SLC27A5: variants seen among roughly 807,000 people sequenced by gnomAD.
The protein encoded by SLC27A5 is solute carrier family 27 member 5, also known as long-chain fatty acid transport protein 5.
In SLC27A5, 47 loss-of-function variants were observed where a neutral mutation model predicts 63.1. The ratio of observed to expected loss-of-function variants is 0.74; its 90% CI spans 0.59 to 0.95. The LOEUF (loss-of-function observed/expected upper bound fraction) is 0.95, where lower values mean the gene tolerates loss of function less well. Among genes scored for constraint, SLC27A5 ranks in the 40% least tolerant of loss-of-function variants. The pLI, the probability that SLC27A5 is intolerant of heterozygous loss-of-function variation, is 0.00. For missense variants in SLC27A5, 940 were observed against 921.0 expected (o/e 1.02, Z -0.27); for synonymous variants, 391 against 403.8 (o/e 0.97, Z 0.38).
Position 58,498,641 on chromosome 19 carries a change from C to CA in SLC27A5, c.1946dup (p.Arg650AlafsTer2), listed in dbSNP as rs752480442. 1.2e-6 allele frequency: 2 copies of CA among 1,614,184 alleles called. No individual in the cohort carries two copies. The highest frequency in any genetic ancestry group is 1.7e-6 in the Non-Finnish European group (2 of 1,180,034). ...CGATCCCCACATTGAAGCCCTCACG[C>CA]ACCAACCGGGTCTTCATCAGTTTGA... On this transcript the variant is annotated frameshift_variant, in exon 10 of 10. Coordinates refer to ENST00000263093, the MANE Select transcript of SLC27A5 (RefSeq NM_012254.3). LOFTEE classifies it low-confidence loss of function (END_TRUNC).
At position 58,500,534 on chromosome 19, in the gene SLC27A5, C is replaced by T. The variant is rs766575091; in HGVS notation, c.1355G>A (p.Gly452Asp). 6.2e-7 allele frequency: 1 copy of T among 1,614,050 alleles called. No homozygotes were observed. The highest frequency in any genetic ancestry group is 1.7e-5 in the Admixed American group (1 of 60,004). The change falls in exon 5 of 10, where the codon GGC (glycine) becomes GAC (aspartate). Residue 452 changes from glycine to aspartate, a missense_variant. Physicochemically the swap from Gly to Asp is moderately conservative, Grantham distance 94. Coordinates refer to ENST00000263093, the MANE Select transcript of SLC27A5 (RefSeq NM_012254.3). ...VNYVGRCGALGKMSCLLRMLS... is the reference protein window; with the variant it reads ...VNYVGRCGALDKMSCLLRMLS... The stretch of plus-strand genomic sequence containing the variant: ...CACTCGGAGGAGGCAGCTCATCTTG[C>T]CCAGGGCCCCGCAGCGCCCCACATA...
chr19:58,501,310 C>T lies in SLC27A5; in HGVS notation c.1158G>A (p.Leu386=). The change falls in exon 4 of 10, where the codon CTG becomes CTA. Residue 386 remains leucine, a synonymous_variant. Coordinates refer to ENST00000263093, the MANE Select transcript of SLC27A5 (RefSeq NM_012254.3). ...VTVILYVGEL[L]RYLCNIPQQP... ...CCTGGGGAATGTTACACAAGTACCGCAGGAGCTCGCCCACATACAGGATCA... is the reference window on the plus strand; with the variant it reads ...CCTGGGGAATGTTACACAAGTACCGTAGGAGCTCGCCCACATACAGGATCA... 2 of 1,613,714 alleles carry T rather than the reference C, an allele frequency of 1.2e-6. No individual in the cohort carries two copies. Among genetic ancestry groups the T allele is most frequent in the Non-Finnish European group, 1.7e-6 (2 of 1,179,760 alleles).
chr19:58,506,051 T>G (rs1438964278), intron 3 of SLC27A5, among the ~76,000 whole-genome samples: 1 of 150,736 alleles, frequency 6.6e-6, no homozygotes, highest in African/African-American at 2.4e-5. Flanking sequence ...CTAGGGAGGC[T>G]GAGGCAGGAG....
chr19:58,500,440 G>C lies in SLC27A5; in HGVS notation c.1378-11C>G. 1 of 1,613,836 alleles carries C rather than the reference G, an allele frequency of 6.2e-7. No homozygotes were observed. The highest frequency in any genetic ancestry group is 8.5e-7 in the Non-Finnish European group (1 of 1,180,008). On this transcript the variant is annotated splice_polypyrimidine_tract_variant and intron_variant, in intron 5 of 9. Coordinates refer to ENST00000263093, the MANE Select transcript of SLC27A5 (RefSeq NM_012254.3). ...AAAGGGGGACAGCATCTGGGGTGGA[G>C]GGTGGAGTGTTGACATAGGTCCTGT...
chr19:58,510,076 A>G, intron 2 of SLC27A5, 71 bp from the exon 3 acceptor site: 1 of 1,491,386 alleles, frequency 6.7e-7, no homozygotes, highest in African/African-American at 1.4e-5. Flanking sequence ...CCAGAGGGAT[A>G]GATCTCCAAC....
At chr19:58,508,868 G>T (rs1444806807) in intron 3 of SLC27A5, 1 of 151,932 alleles carries the variant, frequency 6.6e-6, no homozygotes, top group African/African-American at 2.4e-5. Context: ...CACAAGGTCA[G>T]GAGTTTGAGA....
chr19:58,502,800 T>C (rs1041592910), intron 3 of SLC27A5, among the ~76,000 whole-genome samples: 3 of 150,510 alleles, frequency 2.0e-5, no homozygotes, highest in South Asian at 2.1e-4. Context: ...AGTGAGTAGA[T>C]GGATGGCTGG....
rs1019431881 is a variant in SLC27A5, at chr19:58,511,675, A to G, written c.281T>C (p.Leu94Ser). 28 of 1,586,214 alleles carry G rather than the reference A, an allele frequency of 1.8e-5. No homozygotes were observed. Among genetic ancestry groups the G allele is most frequent in the Non-Finnish European group, 2.1e-5 (25 of 1,166,406 alleles). Residue 94 changes from leucine (L) to serine (S), a missense_variant, in exon 1 of 10, where the codon TTG (leucine) becomes TCG (serine). Coordinates refer to ENST00000263093, the MANE Select transcript of SLC27A5 (RefSeq NM_012254.3). ...CAGGCCCAGGTGGAGGATCTTGGCC[A>G]AGAAGATCACATCAGCCGGCAGCCA... ...LRWLPADVIF[L>S]AKILHLGLKI... is the part of the protein sequence containing the mutation.
At chr19:58,500,807 G>A in intron 4 of SLC27A5, 101 bp from the exon 5 acceptor site, 4 of 1,517,318 alleles carry the variant, frequency 2.6e-6, no homozygotes, top group South Asian at 2.5e-5. Context: ...TACCTTGGGA[G>A]TTACCTGGAA....
rs768393339 is a variant in SLC27A5 at position 58,511,433 on chromosome 19, TA to T, written c.522del (p.Thr175LeufsTer44). On this transcript the variant is annotated frameshift_variant, in exon 1 of 10. Coordinates refer to ENST00000263093, the MANE Select transcript of SLC27A5 (RefSeq NM_012254.3). LOFTEE classifies it high-confidence loss of function. ...TGGGAAGCCAGCACAAGGAGGGCAG[TA>T]GGCTCCCCGGCACACAGGCTCGCAG... ...GDPASLCAGE[P>X]TALLVLASQA... is the part of the protein sequence containing the mutation. The T allele has an allele frequency of 2.5e-6, 4 of 1,604,368 alleles. No homozygotes were observed. The highest frequency in any genetic ancestry group is 2.6e-6 in the Non-Finnish European group (3 of 1,175,834).
chr19:58,510,337 G>A, intron 2 of SLC27A5: 1 of 345,670 alleles, frequency 2.9e-6, no homozygotes, highest in South Asian at 5.1e-5. Context: ...ATTTTGAGAG[G>A]CTGAGTTGGG....
At chr19:58,510,340 G>C in intron 2 of SLC27A5, 1 of 347,990 alleles carries the variant, frequency 2.9e-6, no homozygotes, top group South Asian at 5.0e-5. Flanking sequence ...TTGAGAGGCT[G>C]AGTTGGGCAG....
intron 3 of SLC27A5, among the ~76,000 whole-genome samples, chr19:58,505,893 C>T (rs1446578838): frequency 6.6e-6 from 1 of 151,642 alleles, no homozygotes; most frequent in Non-Finnish European, 1.5e-5. Flanking sequence ...TAGTTCACAC[C>T]TGTAATCCCA....
intron 6 of SLC27A5, 38 bp from the exon 7 acceptor site, chr19:58,499,728 C>G (rs2053252556): frequency 1.3e-6 from 2 of 1,594,814 alleles, no homozygotes; most frequent in Non-Finnish European, 1.7e-6. Context: ...CTGGAGCCCA[C>G]CAGCCAAGCC....
Position 58,499,599 on chromosome 19 carries a change from C to A in SLC27A5, c.1560G>T (p.Val520=). ...GPRELSERKL[V]RNVRQSGDVY... is the part of the protein sequence containing the mutation. ...CGTCGCCCGATTGCCGCACGTTGCG[C>A]ACCAGCTTCCGTTCCGACAGCTCTC... The change falls in exon 7 of 10, where the codon GTG becomes GTT. Residue 520 remains valine (V), a synonymous_variant. Coordinates refer to ENST00000263093, the MANE Select transcript of SLC27A5 (RefSeq NM_012254.3). 6.2e-7 allele frequency: 1 copy of A among 1,613,168 alleles called. No homozygotes were observed. The highest frequency in any genetic ancestry group is 8.5e-7 in the Non-Finnish European group (1 of 1,180,018).
At chr19:58,502,393 G>A (rs1408251030) in intron 3 of SLC27A5, among the ~76,000 whole-genome samples, 1 of 146,104 alleles carries the variant, frequency 6.8e-6, no homozygotes, top group African/African-American at 2.5e-5. Flanking sequence ...ATGGATGGGT[G>A]GACAGAGTAG....
intron 3 of SLC27A5, among the ~76,000 whole-genome samples, chr19:58,502,189 T>TA (rs1246787917): frequency 2.8e-5 from 4 of 144,060 alleles, no homozygotes; most frequent in Non-Finnish European, 4.5e-5. Flanking sequence ...GGTGAACAGT[T>TA]AGAGTAGTGA....
At chr19:58,501,479 C>G (rs2053273584) in intron 3 of SLC27A5, 69 bp from the exon 4 acceptor site, 2 of 1,536,706 alleles carry the variant, frequency 1.3e-6, no homozygotes, top group Admixed American at 3.5e-5. Context: ...GCTTTTAGCA[C>G]CTGTGCTCAC....
Position 58,498,637 on chromosome 19 carries a change from C to G in SLC27A5, c.1951G>C (p.Glu651Gln), listed in dbSNP as rs1257796243. 1 of 1,614,028 alleles carries G rather than the reference C, an allele frequency of 6.2e-7. No homozygotes were observed. Among genetic ancestry groups the G allele is most frequent in the African/African-American group, 1.3e-5 (1 of 74,934 alleles). Residue 651 changes from glutamate (E) to glutamine (Q), a missense_variant, in exon 10 of 10, where the codon GAG becomes CAG. Glu to Gln is a conservative substitution (Grantham distance 29, BLOSUM62 2). Transcript: ENST00000263093. The stretch of plus-strand genomic sequence containing the variant: ...ACCACGATCCCCACATTGAAGCCCT[C>G]ACGCACCAACCGGGTCTTCATCAGT... The part of the protein sequence containing the change: ...FKLMKTRLVR[E>Q]GFNVGIVVDP...
Sources: allele counts gnomAD v4.1 joint callset (sites outside exome capture counted in the v4.1 genomes callset), GRCh38; gene constraint gnomAD v4.1.1; transcripts MANE v1.5; gene names NCBI Gene and HGNC (gene_info 2026-07-23, HGNC 2026-07-21).